The following CCSER1 variants were observed in gnomAD, a reference collection of about 807,000 sequenced individuals.
CCSER1 encodes the protein serine-rich coiled-coil domain-containing protein 1.
CCSER1 carries 41 observed loss-of-function variants against 82.0 expected under a neutral mutation model. The ratio of observed to expected loss-of-function variants is 0.50; its 90% confidence interval spans 0.39 to 0.65. The LOEUF (loss-of-function observed/expected upper bound fraction) is 0.65. CCSER1 is among the 30% of genes least tolerant of loss of function. CCSER1 has a pLI of 0.00. For missense variants in CCSER1, 1,119 were observed against 1,064.2 expected, an observed-to-expected ratio of 1.05 and a Z score of -0.72; for synonymous variants, 414 against 383.9, an observed-to-expected ratio of 1.08 and a Z score of -0.92.
At chr4:90,515,594 G>C (rs1293636104) in intron 5 of CCSER1, among the ~76,000 whole-genome samples, 1 of 152,158 alleles carries the variant, frequency 6.6e-6, no homozygotes, top group African/African-American at 2.4e-5. Context: ...CACATGACAT[G>C]ATAGTAATAA....
intron 8 of CCSER1, among the ~76,000 whole-genome samples, chr4:90,911,899 G>T (rs1726443215): frequency 6.6e-6 from 1 of 152,198 alleles, no homozygotes; most frequent in Non-Finnish European, 1.5e-5. Flanking sequence ...AGCAGTCTGA[G>T]ATCAAAGTGC....
At chr4:90,147,761 C>T (rs1312469502) in intron 1 of CCSER1, among the ~76,000 whole-genome samples, 1 of 151,952 alleles carries the variant, frequency 6.6e-6, no homozygotes, top group Non-Finnish European at 1.5e-5. Flanking sequence ...ATTGGCTGTA[C>T]TAATGTGCCC....
At chr4:91,246,794 TA>T (rs1368538155) in intron 10 of CCSER1, among the ~76,000 whole-genome samples, 2 of 149,782 alleles carry the variant, frequency 1.3e-5, no homozygotes, top group African/African-American at 2.5e-5. Flanking sequence ...TCAGAAAATT[TA>T]AAAAAAGGCA....
intron 10 of CCSER1, among the ~76,000 whole-genome samples, chr4:91,202,277 TG>T (rs1264373832): frequency 6.6e-6 from 1 of 151,876 alleles, no homozygotes; most frequent in African/African-American, 2.4e-5. Flanking sequence ...GCTGAGGGAT[TG>T]CCCCCATTTG....
At chr4:91,553,119 T>G (rs1050680918) in intron 10 of CCSER1, among the ~76,000 whole-genome samples, 3 of 151,678 alleles carry the variant, frequency 2.0e-5, no homozygotes, top group African/African-American at 7.3e-5. Context: ...GGATGTTGAA[T>G]TTTGTGAAAT....
chr4:91,306,030 G>A (rs923634635), intron 10 of CCSER1, among the ~76,000 whole-genome samples: 64 of 148,834 alleles, frequency 4.3e-4, no homozygotes, highest in African/African-American at 1.6e-3. Flanking sequence ...TTGTTTGGGT[G>A]GGGACACAAC....
chr4:90,348,535 A>G (rs1367128214), intron 3 of CCSER1, among the ~76,000 whole-genome samples: 5 of 152,124 alleles, frequency 3.3e-5, no homozygotes, highest in Non-Finnish European at 7.4e-5. Flanking sequence ...GCTACATTGT[A>G]TTGCACATAG....
At chr4:90,346,104 A>G (rs1356836113) in intron 3 of CCSER1, among the ~76,000 whole-genome samples, 1 of 152,024 alleles carries the variant, frequency 6.6e-6, no homozygotes, top group African/African-American at 2.4e-5. Flanking sequence ...GTGTTTAAAT[A>G]TTTTAATGAA....
At chr4:90,344,645 G>T (rs952774595) in intron 3 of CCSER1, among the ~76,000 whole-genome samples, 4 of 152,050 alleles carry the variant, frequency 2.6e-5, no homozygotes, top group Non-Finnish European at 4.4e-5. Flanking sequence ...TTATGATGGG[G>T]TTACATCCTG....
At chr4:90,330,974 G>A (rs576442328) in intron 3 of CCSER1, among the ~76,000 whole-genome samples, 3 of 152,002 alleles carry the variant, frequency 2.0e-5, no homozygotes, top group South Asian at 4.2e-4. Flanking sequence ...CAGAACAAGC[G>A]ACCTATTCAA....
At chr4:90,727,624 T>G (rs570931531) in intron 7 of CCSER1, among the ~76,000 whole-genome samples, 1 of 152,122 alleles carries the variant, frequency 6.6e-6, no homozygotes, top group Non-Finnish European at 1.5e-5. Flanking sequence ...TTCACTGTTC[T>G]TTAGTAGGAT....
chr4:90,501,731 C>T (rs535609814), intron 5 of CCSER1, among the ~76,000 whole-genome samples: 15 of 152,186 alleles, frequency 9.9e-5, no homozygotes, highest in South Asian at 4.1e-4. Flanking sequence ...TTTTTAAAGT[C>T]GCCTAGCAGA....
chr4:91,082,770 C>G (rs1378332155), intron 9 of CCSER1, among the ~76,000 whole-genome samples: 2 of 152,102 alleles, frequency 1.3e-5, no homozygotes, highest in East Asian at 1.9e-4. Context: ...AGACACTTCT[C>G]AAAAGAAGAC....
At chr4:91,414,282 A>G (rs1008411382) in intron 10 of CCSER1, among the ~76,000 whole-genome samples, 1 of 152,166 alleles carries the variant, frequency 6.6e-6, no homozygotes, top group African/African-American at 2.4e-5. Context: ...TGACATCAAT[A>G]ACATTAAATT....
intron 10 of CCSER1, among the ~76,000 whole-genome samples, chr4:91,353,829 A>T (rs971403015): frequency 1.3e-5 from 2 of 152,184 alleles, no homozygotes; most frequent in Admixed American, 6.5e-5. Context: ...TTATTATAAG[A>T]GTTTTAAATC....
chr4:91,080,141 C>G (rs1007865510), intron 9 of CCSER1, among the ~76,000 whole-genome samples: 1 of 152,112 alleles, frequency 6.6e-6, no homozygotes, highest in Non-Finnish European at 1.5e-5. Context: ...ATCACACTTA[C>G]TCCAATATTG....
chr4:90,551,765 C>T (rs1777550984), intron 5 of CCSER1, among the ~76,000 whole-genome samples: 1 of 147,864 alleles, frequency 6.8e-6, no homozygotes, highest in Non-Finnish European at 1.5e-5. Context: ...CCCCACTAGA[C>T]CCTAAGCCTT....
At chr4:91,189,024 T>C (rs1401477515) in intron 10 of CCSER1, among the ~76,000 whole-genome samples, 1 of 152,144 alleles carries the variant, frequency 6.6e-6, no homozygotes, top group Non-Finnish European at 1.5e-5. Flanking sequence ...TGTTAAAATT[T>C]CAATTTTCTA....
chr4:90,824,960 G>C (rs1760214851), intron 8 of CCSER1, among the ~76,000 whole-genome samples: 1 of 152,126 alleles, frequency 6.6e-6, no homozygotes, highest in Admixed American at 6.5e-5. Flanking sequence ...AGCTCTGTAA[G>C]ACAGATGTAG....
Sources: gnomAD v4.1 joint callset for allele counts (sites outside exome capture counted in the v4.1 genomes callset) on GRCh38, gnomAD v4.1.1 for gene constraint, MANE v1.5 for transcripts, NCBI Gene and HGNC (gene_info 2026-07-23, HGNC 2026-07-21) for gene names.